Variants in CCDC178 observed in about 807,000 individuals in gnomAD.
The protein encoded by CCDC178 is coiled-coil domain containing 178.
CCDC178 carries 126 observed loss-of-function variants against 117.4 expected under a neutral mutation model. The observed-to-expected ratio is 1.07, with a 90% CI of 0.93 to 1.24. The LOEUF is 1.24. Among genes scored for constraint, CCDC178 ranks in the 50% most tolerant of loss-of-function variants. CCDC178 has a pLI of 0.00. For missense variants in CCDC178, 1,030 were observed against 986.9 expected, an observed-to-expected ratio of 1.04 and a Z score of -0.59; for synonymous variants, 283 against 313.4, an observed-to-expected ratio of 0.90 and a Z score of 1.02.
At chr18:33,207,633 A>G (rs2059060357) in intron 20 of CCDC178, among the ~76,000 whole-genome samples, 1 of 151,984 alleles carries the variant, frequency 6.6e-6, no homozygotes, top group Middle Eastern at 3.4e-3. Context: ...AAATTGAACT[A>G]TAGCCAAATA....
At chr18:33,299,480 C>T (rs1289193928) in intron 11 of CCDC178, among the ~76,000 whole-genome samples, 1 of 144,736 alleles carries the variant, frequency 6.9e-6, no homozygotes, top group African/African-American at 2.6e-5. Flanking sequence ...AATGTAAGAA[C>T]CAAAACTTTA....
chr18:33,058,077 G>C (rs376158918), intron 21 of CCDC178, among the ~76,000 whole-genome samples: 32 of 146,400 alleles, frequency 2.2e-4, no homozygotes, highest in African/African-American at 8.7e-4. Flanking sequence ...TGCCACTTTG[G>C]AAAAAAATAA....
intron 15 of CCDC178, among the ~76,000 whole-genome samples, chr18:33,235,202 C>A (rs1232697305): frequency 2.0e-5 from 3 of 152,100 alleles, no homozygotes; most frequent in Non-Finnish European, 4.4e-5. Context: ...AAGTCATAGA[C>A]TTCTAAAGTT....
At chr18:33,406,151 T>C (rs2063777687) in intron 3 of CCDC178, among the ~76,000 whole-genome samples, 1 of 152,076 alleles carries the variant, frequency 6.6e-6, no homozygotes, top group Non-Finnish European at 1.5e-5. Flanking sequence ...ACAAAATACA[T>C]ATGTATAAAT....
At chr18:33,206,414 T>C (rs985107255) in intron 20 of CCDC178, among the ~76,000 whole-genome samples, 6 of 151,802 alleles carry the variant, frequency 4.0e-5, no homozygotes, top group Admixed American at 2.0e-4. Flanking sequence ...CAAAAAAGAA[T>C]ATTTATAAAT....
intron 21 of CCDC178, among the ~76,000 whole-genome samples, chr18:32,996,383 T>G (rs573723627): frequency 6.6e-6 from 1 of 151,916 alleles, no homozygotes; most frequent in African/African-American, 2.4e-5. Context: ...AGAGAAATAT[T>G]AAGTAACCTT....
At chr18:32,977,173 A>G (rs1277003899) in intron 21 of CCDC178, among the ~76,000 whole-genome samples, 1 of 152,150 alleles carries the variant, frequency 6.6e-6, no homozygotes, top group African/African-American at 2.4e-5. Context: ...TGAGAAATCT[A>G]TATTTTAAAG....
At chr18:33,310,981 GGTGGGTACTCTATAT>G (rs1463679788) in intron 11 of CCDC178, among the ~76,000 whole-genome samples, 1 of 151,956 alleles carries the variant, frequency 6.6e-6, no homozygotes, top group East Asian at 1.9e-4. Context: ...GAAAAAAAGA[GGTGGGTACTCTATAT>G]GTATGTTCTC....
intron 21 of CCDC178, among the ~76,000 whole-genome samples, chr18:32,978,703 G>A (rs559090209): frequency 3.2e-4 from 48 of 152,130 alleles, no homozygotes; most frequent in African/African-American, 1.1e-3. Context: ...GATTCTTGTC[G>A]AAACAATAAA....
At chr18:33,299,749 AC>A (rs1181251757) in intron 11 of CCDC178, among the ~76,000 whole-genome samples, 4 of 149,924 alleles carry the variant, frequency 2.7e-5, no homozygotes, top group Admixed American at 6.7e-5. Context: ...TCCAGAATAT[AC>A]AAGGATTTCA....
intron 21 of CCDC178, among the ~76,000 whole-genome samples, chr18:32,977,601 G>T (rs1194486367): frequency 6.6e-6 from 1 of 152,116 alleles, no homozygotes; most frequent in Non-Finnish European, 1.5e-5. Context: ...GACAAGAAAA[G>T]TTCACAGCAA....
At chr18:33,084,551 A>C (rs536444338) in intron 21 of CCDC178, among the ~76,000 whole-genome samples, 36 of 152,162 alleles carry the variant, frequency 2.4e-4, no homozygotes, top group African/African-American at 8.7e-4. Flanking sequence ...AGTGGCTCAC[A>C]CCTGTAATCC....
chr18:33,152,670 C>T (rs1369084726), intron 20 of CCDC178, among the ~76,000 whole-genome samples: 1 of 152,068 alleles, frequency 6.6e-6, no homozygotes, highest in African/African-American at 2.4e-5. Context: ...ACAAGAACCA[C>T]AACAGCTGAC....
intron 9 of CCDC178, among the ~76,000 whole-genome samples, chr18:33,344,584 G>A (rs1245064620): frequency 6.6e-6 from 1 of 151,554 alleles, no homozygotes; most frequent in African/African-American, 2.4e-5. Context: ...CTATTACAAA[G>A]GGTATATGAG....
chr18:33,349,408 A>G (rs2062941138), intron 7 of CCDC178, among the ~76,000 whole-genome samples: 1 of 151,926 alleles, frequency 6.6e-6, no homozygotes, highest in Non-Finnish European at 1.5e-5. Flanking sequence ...TATCTAAATT[A>G]AAATGTTGTT....
chr18:33,025,583 G>A (rs928966488), intron 21 of CCDC178, among the ~76,000 whole-genome samples: 5 of 151,904 alleles, frequency 3.3e-5, no homozygotes, highest in Admixed American at 6.6e-5. Flanking sequence ...ATAGACAAAA[G>A]ACATGAAGAG....
intron 9 of CCDC178, among the ~76,000 whole-genome samples, chr18:33,342,438 G>A (rs536112876): frequency 2.3e-4 from 35 of 152,294 alleles, no homozygotes; most frequent in African/African-American, 8.2e-4. Flanking sequence ...TTATCATATA[G>A]ATTCTTGTTT....
intron 12 of CCDC178, among the ~76,000 whole-genome samples, chr18:33,282,162 C>G (rs753256830): frequency 6.6e-6 from 1 of 152,168 alleles, no homozygotes. Flanking sequence ...GTGAGTGAAA[C>G]TGGCTAGGAG....
chr18:33,110,208 A>T (rs2057762238), intron 20 of CCDC178, among the ~76,000 whole-genome samples: 1 of 151,296 alleles, frequency 6.6e-6, no homozygotes, highest in South Asian at 2.1e-4. Context: ...TTCTGAAGCG[A>T]TTTTCCAGTC....
Sources: gnomAD v4.1 joint callset for allele counts (sites outside exome capture counted in the v4.1 genomes callset) on GRCh38, gnomAD v4.1.1 for gene constraint, MANE v1.5 for transcripts, NCBI Gene and HGNC (gene_info 2026-07-23, HGNC 2026-07-21) for gene names.